Variants in ERCC3 observed in about 807,000 individuals in gnomAD.
The protein encoded by ERCC3 is general transcription and DNA repair factor IIH helicase/translocase subunit XPB.
A neutral mutation model predicts 94.2 loss-of-function variants in ERCC3; 66 were observed. The observed-to-expected ratio is 0.70, with a 90% CI of 0.57 to 0.86. The LOEUF is 0.86. ERCC3 is among the 40% of genes least tolerant of loss of function. The probability of loss-of-function intolerance (pLI) is 0.00; values close to 1 mark genes in which losing one functional copy is unlikely to be tolerated. For synonymous variants in ERCC3, 349 were observed against 369.1 expected (o/e 0.95, Z 0.63); for missense variants, 829 against 987.1 (o/e 0.84, Z 2.15).
rs1160918904 is a variant in ERCC3, at chr2:127,277,498, T to C, written c.1730+1675A>G. ...CGAGGTCAAGAGATCGAGACCATCCTGGCCAATATGGTGAAACCCTATCTC... is the reference window on the plus strand; with the variant it reads ...CGAGGTCAAGAGATCGAGACCATCCCGGCCAATATGGTGAAACCCTATCTC... On this transcript the variant is annotated intron_variant, in intron 10 of 14. Coordinates refer to ENST00000285398, the MANE Select transcript of ERCC3 (RefSeq NM_000122.2). This position sits in a 1 kb window ranked among gnomAD's most constrained non-coding sequence, Gnocchi z 5.1. 6.6e-6 allele frequency among the ~76,000 whole-genome samples: 1 copy of C among 152,124 alleles called. No homozygotes were observed. Among genetic ancestry groups the C allele is most frequent in the African/African-American group, 2.4e-5 (1 of 41,422 alleles).
intron 1 of ERCC3, 115 bp downstream of exon 1, chr2:127,293,939 C>T (rs753982168): frequency 6.5e-7 from 1 of 1,534,364 alleles, no homozygotes; most frequent in Non-Finnish European, 8.7e-7. Flanking sequence ...ACGGGGTGCG[C>T]GCGGGAGGGC....
intron 12 of ERCC3, 114 bp from the exon 13 acceptor site, chr2:127,261,460 C>T (rs2104732356): frequency 3.8e-6 from 3 of 786,990 alleles, no homozygotes; most frequent in Non-Finnish European, 6.9e-6. Flanking sequence ...GCCCTGCACT[C>T]GGGGTTACCA....
chr2:127,283,203 A>C (rs1205257660), intron 8 of ERCC3, among the ~76,000 whole-genome samples: 2 of 152,052 alleles, frequency 1.3e-5, no homozygotes, highest in Non-Finnish European at 2.9e-5. Flanking sequence ...CACCACAATC[A>C]GGGTACAGAT....
Position 127,294,010 on chromosome 2 carries a change from C to T in ERCC3, c.28+44G>A, listed in dbSNP as rs1397341015. ...TCCGAGGCAGAGCGGGGGGCAGGGC[C>T]GGCAAGGGCAGTCGTGGCTGAGCGT... On this transcript the variant is annotated intron_variant, in intron 1 of 14. Transcript: ENST00000285398. The T allele has an allele frequency of 3.1e-6, 5 of 1,598,864 alleles. No individual in the cohort carries two copies. The South Asian group carries it at 4.4e-5, about 14-fold the overall frequency.
At chr2:127,293,975 C>G (rs1280684377) in intron 1 of ERCC3, 79 bp downstream of exon 1, 1 of 1,568,228 alleles carries the variant, frequency 6.4e-7, no homozygotes, top group Admixed American at 1.8e-5. Flanking sequence ...GCGCAGAGGC[C>G]CGGAGCAGCT....
chr2:127,259,286 A>G lies in ERCC3; in HGVS notation c.2217+10T>C. On this transcript the variant is annotated intron_variant, in intron 14 of 14. Coordinates refer to ENST00000285398, the MANE Select transcript of ERCC3 (RefSeq NM_000122.2). This position sits in a 1 kb window ranked among gnomAD's most constrained non-coding sequence, Gnocchi z 4.9. ...ACTGACACCTGGAACCTCCTCACCC[A>G]TTTACTCACCTGGCTGGATCTGGAG... 1 of 1,614,016 alleles carries G rather than the reference A, an allele frequency of 6.2e-7. No homozygotes were observed. The highest frequency in any genetic ancestry group is 2.2e-5 in the East Asian group (1 of 44,874).
rs2104729240 is a variant in ERCC3, at chr2:127,259,484, G to A, written c.2065-36C>T. On this transcript the variant is annotated intron_variant, in intron 13 of 14. Transcript: ENST00000285398. This position sits in a 1 kb window ranked among gnomAD's most constrained non-coding sequence, Gnocchi z 4.9. ...CAAGCCAGCAGACATGCCCCTTTCTGCTCTCTCTCCCCAGCCCTCCTCTGC... is the reference window on the plus strand; with the variant it reads ...CAAGCCAGCAGACATGCCCCTTTCTACTCTCTCTCCCCAGCCCTCCTCTGC... 8.1e-6 allele frequency: 13 copies of A among 1,613,100 alleles called. No homozygotes were observed. Among genetic ancestry groups the A allele is most frequent in the Non-Finnish European group, 1.1e-5 (13 of 1,179,928 alleles).
chr2:127,270,887 T>G (rs528808350), intron 12 of ERCC3, among the ~76,000 whole-genome samples: 88 of 152,350 alleles, frequency 5.8e-4, no homozygotes, highest in African/African-American at 2.0e-3. Context: ...GGCGGCACTC[T>G]GCACAGGTTA....
chr2:127,268,784 C>T (rs570522598), intron 12 of ERCC3, among the ~76,000 whole-genome samples: 3 of 152,268 alleles, frequency 2.0e-5, no homozygotes, highest in East Asian at 1.9e-4. Flanking sequence ...TTCTCACCCT[C>T]GATCTTAGCA....
In ERCC3 at chr2:127,294,098, G is replaced by C; in HGVS notation, c.-17C>G. The C allele has an allele frequency of 1.9e-6, 3 of 1,606,598 alleles. No individual in the cohort carries two copies. Among genetic ancestry groups the C allele is most frequent in the Non-Finnish European group, 8.5e-7 (1 of 1,179,392 alleles). ...TTTGCCCATGGCAGCTACAGCAGCA[G>C]AGAGAAGATGACCCCGCTCCCACAG... On this transcript the variant is annotated 5_prime_UTR_variant, in exon 1 of 15. Transcript: ENST00000285398.
In ERCC3 at chr2:127,259,544, TC is replaced by T; in HGVS notation, c.2065-97del. On this transcript the variant is annotated intron_variant, in intron 13 of 14. Transcript: ENST00000285398. This position sits in a 1 kb window ranked among gnomAD's most constrained non-coding sequence, Gnocchi z 4.9. Reference sequence around the variant, plus strand: ...GGTCCACCTGCTTTGGTCACTTCCCTCCCCAGGCCCAGCCACCCTGGTGGCC... The same window carrying T: ...GGTCCACCTGCTTTGGTCACTTCCCTCCCAGGCCCAGCCACCCTGGTGGCC... 6.5e-7 allele frequency: 1 copy of T among 1,538,924 alleles called. No individual in the cohort carries two copies. The highest frequency in any genetic ancestry group is 8.9e-7 in the Non-Finnish European group (1 of 1,121,088).
rs759152503 is a variant in ERCC3 at position 127,280,517 on chromosome 2, G to A, written c.1457C>T (p.Pro486Leu). The A allele has an allele frequency of 8.7e-6, 14 of 1,613,916 alleles. No homozygotes were observed. The Admixed American group carries it at 2.3e-4, about 27-fold the overall frequency. The change falls in exon 9 of 15, where the codon CCT becomes CTT. Residue 486 changes from proline to leucine, a missense_variant. By Grantham distance (98) the Pro-to-Leu change is moderately conservative. Coordinates refer to ENST00000285398, the MANE Select transcript of ERCC3 (RefSeq NM_000122.2). This position sits in a 1 kb window ranked among gnomAD's most constrained non-coding sequence, Gnocchi z 6.3. ...KIVDLNFLIGPKLYEANWMEL... is the reference protein window; with the variant it reads ...KIVDLNFLIGLKLYEANWMEL... ...CATCCAGTTGGCTTCGTAGAGCTTAGGCCCAATCAGAAAATTTAAATCCAC... is the reference window on the plus strand; with the variant it reads ...CATCCAGTTGGCTTCGTAGAGCTTAAGCCCAATCAGAAAATTTAAATCCAC...
At position 127,279,625 on chromosome 2, in the gene ERCC3, G is replaced by A. The variant is rs4150460; in HGVS notation, c.1528-250C>T. On this transcript the variant is annotated intron_variant, in intron 9 of 14. Transcript: ENST00000285398. The surrounding 1 kb of genome is among the most constrained non-coding windows in gnomAD (Gnocchi z 4.7). ...AAAAATACAAAAATTAGCTGGGTGT[G>A]GTAGTGCATGTCTGTAATTCCAGCT... Among the ~76,000 whole-genome samples, 4,878 of 152,206 alleles carry A rather than the reference G, an allele frequency of 0.032. 122 individuals are homozygous for A. The highest frequency in any genetic ancestry group is 0.061 in the Middle Eastern group (18 of 294).
chr2:127,287,165 C>T (rs1456400884), intron 7 of ERCC3, 148 bp from the exon 8 acceptor site: 1 of 662,170 alleles, frequency 1.5e-6, no homozygotes, highest in Non-Finnish European at 2.7e-6. Context: ...ACTGCTCCAG[C>T]CTGTTTTCTT....
In ERCC3 at chr2:127,280,047, CAGCAG is replaced by C. The variant is rs1295813168; in HGVS notation, c.1527+395_1527+399del. The stretch of plus-strand genomic sequence containing the variant: ...TACCGCCACCTCTTCACACACTTCC[CAGCAG>C]GGCTGGGAGCATATCAGTTAGGCGC... On this transcript the variant is annotated intron_variant, in intron 9 of 14. Transcript: ENST00000285398. This position sits in a 1 kb window ranked among gnomAD's most constrained non-coding sequence, Gnocchi z 6.3. 6.6e-6 allele frequency among the ~76,000 whole-genome samples: 1 copy of C among 152,156 alleles called. No homozygotes were observed. The highest frequency in any genetic ancestry group is 1.5e-5 in the Non-Finnish European group (1 of 68,030).
chr2:127,293,154 T>A (rs1177692513), intron 2 of ERCC3, among the ~76,000 whole-genome samples: 1 of 152,218 alleles, frequency 6.6e-6, no homozygotes, highest in Non-Finnish European at 1.5e-5. Context: ...CATTAATTAT[T>A]TAAAGTAGAG....
chr2:127,292,755 C>T lies in ERCC3; in HGVS notation c.326G>A (p.Arg109Gln), dbSNP rs755616510. The change falls in exon 3 of 15, where the codon CGA becomes CAA. Residue 109 changes from arginine (R) to glutamine (Q), a missense_variant. By Grantham distance (43) the Arg-to-Gln change is conservative. Coordinates refer to ENST00000285398, the MANE Select transcript of ERCC3 (RefSeq NM_000122.2). Reference sequence around the variant, plus strand: ...TTTGTACTCATGCACATGGGTTGGTCGGCACACTGGCTCTGCAATAGCCAC... The same window carrying T: ...TTTGTACTCATGCACATGGGTTGGTTGGCACACTGGCTCTGCAATAGCCAC... ...FLVAIAEPVC[R>Q]PTHVHEYKLT... The T allele has an allele frequency of 5.0e-5, 81 of 1,613,646 alleles. No homozygotes were observed. Among genetic ancestry groups the T allele is most frequent in the Non-Finnish European group, 6.7e-5 (79 of 1,179,962 alleles).
At position 127,282,687 on chromosome 2, in the gene ERCC3, A is replaced by T. The variant is rs4150444; in HGVS notation, c.1343-2056T>A. ...TTAACATTTGCTCTCTGGGACAATG[A>T]GCATGGCCAGGCCACTGGGCTTATG... On this transcript the variant is annotated intron_variant, in intron 8 of 14. Coordinates refer to ENST00000285398, the MANE Select transcript of ERCC3 (RefSeq NM_000122.2). Among the ~76,000 whole-genome samples, 30 of 152,306 alleles carry T rather than the reference A, an allele frequency of 2.0e-4. No individual in the cohort carries two copies. The East Asian group carries it at 5.8e-3, about 29-fold the overall frequency.
At chr2:127,263,702 GTTC>G (rs1203178714) in intron 12 of ERCC3, among the ~76,000 whole-genome samples, 60 of 148,486 alleles carry the variant, frequency 4.0e-4, no homozygotes, top group Non-Finnish European at 4.3e-4. Context: ...TCTTGTTCCA[GTTC>G]TTTTTTTTTT....
Sources: gnomAD v4.1 joint callset for allele counts (sites outside exome capture counted in the v4.1 genomes callset) on GRCh38, gnomAD v4.1.1 for gene constraint, Gnocchi (gnomAD v3.1) non-coding constraint, MANE v1.5 for transcripts, NCBI Gene and HGNC (gene_info 2026-07-23, HGNC 2026-07-21) for gene names.